TFCP2: variants seen among roughly 807,000 people sequenced by gnomAD.
TFCP2 encodes the protein alpha-globin transcription factor CP2.
A neutral mutation model predicts 73.4 loss-of-function variants in TFCP2; 33 were observed. The ratio of observed to expected loss-of-function variants is 0.45; its 90% CI spans 0.34 to 0.60. The LOEUF is 0.60. TFCP2 is among the 20% of genes least tolerant of loss of function. The probability of loss-of-function intolerance (pLI) is 0.01; values close to 1 mark genes in which losing one functional copy is unlikely to be tolerated. For missense variants in TFCP2, 352 were observed against 604.0 expected (o/e 0.58, Z 4.37); for synonymous variants, 193 against 211.6 (o/e 0.91, Z 0.76).
chr12:51,119,474 G>A (rs538769914), intron 1 of TFCP2, among the ~76,000 whole-genome samples: 1 of 152,358 alleles, frequency 6.6e-6, no homozygotes, highest in East Asian at 1.9e-4. Context: ...CATGCAGTCA[G>A]GCACAGTGGC....
intron 1 of TFCP2, among the ~76,000 whole-genome samples, chr12:51,135,414 G>A (rs1941040183): frequency 7.3e-6 from 1 of 136,484 alleles, no homozygotes; most frequent in African/African-American, 2.8e-5. Context: ...GTGACAGAGT[G>A]AGACTGTCAC....
At chr12:51,149,789 C>T (rs900373081) in intron 1 of TFCP2, among the ~76,000 whole-genome samples, 6 of 151,970 alleles carry the variant, frequency 3.9e-5, no homozygotes, top group East Asian at 1.9e-4. Flanking sequence ...TTAGTAGAGA[C>T]GGGGTTTCGC....
chr12:51,141,799 G>C (rs943238284), intron 1 of TFCP2, among the ~76,000 whole-genome samples: 1 of 151,474 alleles, frequency 6.6e-6, no homozygotes, highest in Non-Finnish European at 1.5e-5. Context: ...ACACCTACTC[G>C]GGAGGCTGAG....
intron 1 of TFCP2, among the ~76,000 whole-genome samples, chr12:51,130,052 G>C (rs1940904197): frequency 6.6e-6 from 1 of 152,182 alleles, no homozygotes; most frequent in Non-Finnish European, 1.5e-5. Context: ...TTGGGAGGCT[G>C]AGGTAGGAGG....
At position 51,167,550 on chromosome 12, in the gene TFCP2, G is replaced by A. The variant is rs187083831; in HGVS notation, c.122+4751C>T. On this transcript the variant is annotated intron_variant, in intron 1 of 14. Coordinates refer to ENST00000257915, the MANE Select transcript of TFCP2 (RefSeq NM_005653.5). ...TGAGATTACAGGTGTGCACCATCATGCCCAGCTAATTTTTGTATTTTCAGT... is the reference window on the plus strand; with the variant it reads ...TGAGATTACAGGTGTGCACCATCATACCCAGCTAATTTTTGTATTTTCAGT... Among the ~76,000 whole-genome samples, 32 of 152,190 alleles carry A rather than the reference G, an allele frequency of 2.1e-4. No individual in the cohort carries two copies. The South Asian group carries it at 4.1e-3, about 20-fold the overall frequency.
chr12:51,133,764 TA>T (rs965179291), intron 1 of TFCP2, among the ~76,000 whole-genome samples: 1 of 151,904 alleles, frequency 6.6e-6, no homozygotes, highest in African/African-American at 2.4e-5. Flanking sequence ...CTGTCTCTAC[TA>T]AAAATACAAA....
chr12:51,134,581 T>C (rs1288278963), intron 1 of TFCP2, among the ~76,000 whole-genome samples: 1 of 152,168 alleles, frequency 6.6e-6, no homozygotes, highest in African/African-American at 2.4e-5. Context: ...CCACCCCGCC[T>C]GGCCTTGGTA....
intron 1 of TFCP2, among the ~76,000 whole-genome samples, chr12:51,155,909 G>A (rs1470520492): frequency 6.6e-6 from 1 of 152,164 alleles, no homozygotes; most frequent in African/African-American, 2.4e-5. Context: ...GGGCATGGTG[G>A]CACATGCCTG....
At chr12:51,164,115 A>G (rs1941704365) in intron 1 of TFCP2, among the ~76,000 whole-genome samples, 1 of 152,096 alleles carries the variant, frequency 6.6e-6, no homozygotes, top group Admixed American at 6.6e-5. Flanking sequence ...AGGTAGGAGG[A>G]TCACTTGAGC....
At chr12:51,114,790 G>A (rs1285708872) in intron 4 of TFCP2, among the ~76,000 whole-genome samples, 2 of 151,974 alleles carry the variant, frequency 1.3e-5, no homozygotes, top group Admixed American at 6.6e-5. Context: ...CAGGCCAGGT[G>A]TGGTGGCTCA....
intron 1 of TFCP2, among the ~76,000 whole-genome samples, chr12:51,134,063 G>A (rs1941010111): frequency 1.3e-5 from 2 of 152,072 alleles, no homozygotes; most frequent in Non-Finnish European, 2.9e-5. Flanking sequence ...ATAAATGTGT[G>A]TAACAATCAG....
chr12:51,125,125 G>A (rs778190801), intron 1 of TFCP2: 5 of 747,948 alleles, frequency 6.7e-6, no homozygotes, highest in Admixed American at 3.5e-5. Flanking sequence ...GCAACAGGCT[G>A]GAAGATGATG....
At chr12:51,161,536 C>T (rs1465013990) in intron 1 of TFCP2, among the ~76,000 whole-genome samples, 1 of 151,528 alleles carries the variant, frequency 6.6e-6, no homozygotes, top group Admixed American at 6.6e-5. Context: ...AAAAATTAGC[C>T]GGGCATGGTG....
At chr12:51,120,759 T>C (rs1432834215) in intron 1 of TFCP2, among the ~76,000 whole-genome samples, 3 of 151,696 alleles carry the variant, frequency 2.0e-5, no homozygotes, top group African/African-American at 7.3e-5. Flanking sequence ...TGAAACCCCA[T>C]CTCTACTATT....
At position 51,152,618 on chromosome 12, in the gene TFCP2, T is replaced by C. The variant is rs535944600; in HGVS notation, c.122+19683A>G. ...ACATCTGCCTTTTACCTTTAAATCA[T>C]TCAGAAAAAAATAATTCTGAGTGTG... On this transcript the variant is annotated intron_variant, in intron 1 of 14. Transcript: ENST00000257915. 2.0e-5 allele frequency among the ~76,000 whole-genome samples: 3 copies of C among 152,276 alleles called. No homozygotes were observed. The East Asian group carries it at 5.8e-4, about 29-fold the overall frequency.
At chr12:51,114,434 T>C (rs1186552205) in intron 4 of TFCP2, among the ~76,000 whole-genome samples, 3 of 151,762 alleles carry the variant, frequency 2.0e-5, no homozygotes. Flanking sequence ...GGCAAAACCC[T>C]GTCTCTACTA....
intron 1 of TFCP2, among the ~76,000 whole-genome samples, chr12:51,120,437 CA>C (rs984325430): frequency 2.0e-5 from 3 of 151,988 alleles, no homozygotes; most frequent in African/African-American, 7.3e-5. Context: ...CCAAAGAGAA[CA>C]ATGGTTTCCT....
chr12:51,098,502 T>C lies in TFCP2; in HGVS notation c.1419+274A>G, dbSNP rs199531253. Among the ~76,000 whole-genome samples, 5 of 152,010 alleles carry C rather than the reference T, an allele frequency of 3.3e-5. No homozygotes were observed. In the East Asian group the frequency reaches 7.7e-4, roughly 23 times the overall value. Reference sequence around the variant, plus strand: ...TTAGCCAGGCGTGGTGGCGCACGCCTGTAATTCCCACTATTCGGGAAGCTG... The same window carrying C: ...TTAGCCAGGCGTGGTGGCGCACGCCCGTAATTCCCACTATTCGGGAAGCTG... On this transcript the variant is annotated intron_variant, in intron 13 of 14. Transcript: ENST00000257915.
chr12:51,148,699 CAAA>C (rs140565414), intron 1 of TFCP2, among the ~76,000 whole-genome samples: 1 of 100,148 alleles, frequency 1.0e-5, no homozygotes, highest in Non-Finnish European at 1.9e-5. Context: ...GACTCTGTCT[CAAA>C]AAAAAAAAAA....
Sources: gnomAD v4.1 joint callset for allele counts (sites outside exome capture counted in the v4.1 genomes callset) on GRCh38, gnomAD v4.1.1 for gene constraint, MANE v1.5 for transcripts, NCBI Gene and HGNC (gene_info 2026-07-23, HGNC 2026-07-21) for gene names.